Variants in MOB4 observed in about 807,000 individuals in gnomAD.
MOB4 encodes MOB family member 4, phocein, also known as MOB-like protein phocein.
A neutral mutation model predicts 32.2 loss-of-function variants in MOB4; 4 were observed. The ratio of observed to expected loss-of-function variants is 0.12; its 90% CI spans 0.06 to 0.28. MOB4 has a LOEUF of 0.28. MOB4 is among the 10% of genes least tolerant of loss of function. The pLI, the probability that MOB4 is intolerant of heterozygous loss-of-function variation, is 1.00. For synonymous variants in MOB4, 88 were observed against 88.1 expected, an observed-to-expected ratio of 1.00 and a Z score of 0.01; for missense variants, 158 against 271.2, an observed-to-expected ratio of 0.58 and a Z score of 2.93.
intron 5 of MOB4, among the ~76,000 whole-genome samples, chr2:197,541,202 A>G (rs1178966156): frequency 6.6e-6 from 1 of 152,104 alleles, no homozygotes; most frequent in African/African-American, 2.4e-5. Context: ...TGCCTGGCCT[A>G]CTGTACTTTT....
intron 2 of MOB4, 28 bp downstream of exon 2, chr2:197,523,714 G>C: frequency 6.3e-7 from 1 of 1,589,114 alleles, no homozygotes; most frequent in Non-Finnish European, 8.5e-7. Context: ...TTTTCACCCT[G>C]TGTCTTTTGG....
intron 2 of MOB4, among the ~76,000 whole-genome samples, chr2:197,531,055 T>A (rs575324003): frequency 2.7e-5 from 4 of 149,542 alleles, no homozygotes; most frequent in African/African-American, 4.9e-5. Context: ...TTATTTTTAT[T>A]TTTTTTTTTT....
chr2:197,535,757 A>G (rs1047396432), intron 3 of MOB4, 127 bp downstream of exon 3: 16 of 1,017,852 alleles, frequency 1.6e-5, no homozygotes, highest in Admixed American at 1.2e-4. Context: ...AAGCTTTGGC[A>G]TTTTCAGTGT....
intron 2 of MOB4, among the ~76,000 whole-genome samples, chr2:197,533,254 G>A (rs943836325): frequency 1.3e-5 from 2 of 152,202 alleles, no homozygotes; most frequent in African/African-American, 4.8e-5. Flanking sequence ...GCTTGAGTGT[G>A]TTGGGGGAAC....
intron 3 of MOB4, among the ~76,000 whole-genome samples, chr2:197,537,545 C>T (rs927876153): frequency 2.0e-5 from 3 of 152,120 alleles, no homozygotes; most frequent in Admixed American, 6.6e-5. Context: ...GACATTATGT[C>T]GTGTCATAAC....
chr2:197,520,971 C>T (rs536231820), intron 1 of MOB4, among the ~76,000 whole-genome samples: 1 of 149,480 alleles, frequency 6.7e-6, no homozygotes, highest in East Asian at 1.9e-4. Context: ...TTTGATGTTT[C>T]CTTCTCTTTT....
At chr2:197,516,739 A>C (rs2086421448) in intron 1 of MOB4, 1 of 471,422 alleles carries the variant, frequency 2.1e-6, no homozygotes, top group African/African-American at 2.0e-5. Flanking sequence ...TTCATCACTA[A>C]GTTGTGACTT....
At chr2:197,516,024 C>T (rs2086402863), upstream of MOB4, 1 of 1,511,706 alleles carries the variant, frequency 6.6e-7, no homozygotes, top group South Asian at 1.2e-5. Flanking sequence ...TCTGCCCCGC[C>T]CCCCGCGCAG....
intron 2 of MOB4, among the ~76,000 whole-genome samples, chr2:197,525,511 G>C (rs916296547): frequency 7.2e-5 from 11 of 152,038 alleles, no homozygotes; most frequent in African/African-American, 2.7e-4. Context: ...CGAGGAGGGA[G>C]GATCACTTTG....
intron 3 of MOB4, among the ~76,000 whole-genome samples, chr2:197,539,217 C>T (rs575762846): frequency 6.6e-6 from 1 of 151,966 alleles, no homozygotes; most frequent in South Asian, 2.1e-4. Flanking sequence ...GGAACACGTT[C>T]AGTGTTTTGA....
intron 6 of MOB4, among the ~76,000 whole-genome samples, chr2:197,549,859 TAAAAA>T (rs573507195): frequency 1.9e-4 from 16 of 85,108 alleles, no homozygotes; most frequent in African/African-American, 4.2e-4. Flanking sequence ...CCTTAATTTC[TAAAAA>T]AAAAAAAAAA....
At chr2:197,538,434 T>A (rs2086841232) in intron 3 of MOB4, among the ~76,000 whole-genome samples, 2 of 151,894 alleles carry the variant, frequency 1.3e-5, no homozygotes, top group South Asian at 4.2e-4. Context: ...TTTGAGGCTG[T>A]ATACTTGCCA....
chr2:197,531,213 A>G (rs992645301), intron 2 of MOB4, among the ~76,000 whole-genome samples: 1 of 151,212 alleles, frequency 6.6e-6, no homozygotes, highest in Non-Finnish European at 1.5e-5. Context: ...ATGCCCGGCT[A>G]TTTTGTATTT....
intron 5 of MOB4, among the ~76,000 whole-genome samples, chr2:197,547,809 T>G (rs1393313567): frequency 3.3e-5 from 5 of 152,226 alleles, no homozygotes; most frequent in African/African-American, 1.2e-4. Context: ...TTTAATAAAT[T>G]TACTGAGTTG....
chr2:197,518,136 G>T (rs1333379328), intron 1 of MOB4, among the ~76,000 whole-genome samples: 2 of 151,154 alleles, frequency 1.3e-5, no homozygotes, highest in African/African-American at 4.9e-5. Flanking sequence ...AGCAAAACTC[G>T]GTCTCAAACA....
intron 1 of MOB4, among the ~76,000 whole-genome samples, chr2:197,520,333 G>T (rs1454228511): frequency 6.6e-6 from 1 of 151,922 alleles, no homozygotes; most frequent in East Asian, 1.9e-4. Flanking sequence ...TAGAGATGGG[G>T]TTTCACCGTG....
intron 3 of MOB4, 139 bp downstream of exon 3, chr2:197,535,769 A>T: frequency 5.5e-6 from 5 of 903,828 alleles, no homozygotes; most frequent in Non-Finnish European, 8.4e-6. Flanking sequence ...TTTCAGTGTC[A>T]CAAGGTTCTC....
At chr2:197,525,409 TAAAAG>T (rs748892407) in intron 2 of MOB4, among the ~76,000 whole-genome samples, 65 of 150,318 alleles carry the variant, frequency 4.3e-4, no homozygotes, top group Non-Finnish European at 8.3e-4. Flanking sequence ...TCTTAGAAAA[TAAAAG>T]AGACATATAG....
At position 197,528,210 on chromosome 2, in the gene MOB4, C is replaced by T. The variant is rs184557522; in HGVS notation, c.123+4524C>T. Reference sequence around the variant, plus strand: ...CCGTTTTATTACTTTTTAATTTGTTCCTTCTGGGCTTTTCATTTGTTCCTG... The same window carrying T: ...CCGTTTTATTACTTTTTAATTTGTTTCTTCTGGGCTTTTCATTTGTTCCTG... On this transcript the variant is annotated intron_variant, in intron 2 of 7. Coordinates refer to ENST00000323303, the MANE Select transcript of MOB4 (RefSeq NM_015387.5). Among the ~76,000 whole-genome samples, 118 of 152,066 alleles carry T rather than the reference C, an allele frequency of 7.8e-4. 1 individual carries two copies. The highest frequency in any genetic ancestry group is 2.7e-3 in the African/African-American group (112 of 41,490).
Sources: allele counts gnomAD v4.1 joint callset (sites outside exome capture counted in the v4.1 genomes callset), GRCh38; gene constraint gnomAD v4.1.1; transcripts MANE v1.5; gene names NCBI Gene and HGNC (gene_info 2026-07-23, HGNC 2026-07-21).